The following FTO variants were observed in gnomAD, a reference collection of about 807,000 sequenced individuals.
The protein encoded by FTO is alpha-ketoglutarate-dependent dioxygenase FTO.
A neutral mutation model predicts 63.9 loss-of-function variants in FTO; 47 were observed. The ratio of observed to expected loss-of-function variants is 0.74; its 90% CI spans 0.58 to 0.94. The LOEUF is 0.94. Ranked by LOEUF, FTO falls within the 40% of genes least tolerant of loss-of-function variation. The probability of loss-of-function intolerance (pLI) is 0.00; values close to 1 mark genes in which losing one functional copy is unlikely to be tolerated. For missense variants in FTO, 562 were observed against 618.1 expected (o/e 0.91, Z 0.96); for synonymous variants, 207 against 224.4 (o/e 0.92, Z 0.69).
At chr16:54,066,153 C>T (rs899920669) in intron 8 of FTO, among the ~76,000 whole-genome samples, 7 of 152,162 alleles carry the variant, frequency 4.6e-5, no homozygotes, top group East Asian at 1.9e-4. Flanking sequence ...GTGTTGGGAC[C>T]GGGATTCCCC....
rs377073096 is a variant in FTO at position 53,879,917 on chromosome 16, A to G, written c.1049A>G (p.Asp350Gly). The G allele has an allele frequency of 3.1e-6, 5 of 1,613,860 alleles. No individual in the cohort carries two copies. The African/African-American group carries it at 4.0e-5, about 13-fold the overall frequency. ...CTGCAGAATGTCTGTGACGATGTGGACAATGATGATGTCTCTTTGAAATCC... is the reference window on the plus strand; with the variant it reads ...CTGCAGAATGTCTGTGACGATGTGGGCAATGATGATGTCTCTTTGAAATCC... ...LALQNVCDDV[D>G]NDDVSLKSFE... The change falls in exon 6 of 9, where the codon GAC becomes GGC. Residue 350 changes from aspartate (D) to glycine (G), a missense_variant. Transcript: ENST00000471389.
intron 1 of FTO, among the ~76,000 whole-genome samples, chr16:53,748,479 G>C (rs946204659): frequency 1.3e-5 from 2 of 151,972 alleles, no homozygotes; most frequent in Non-Finnish European, 2.9e-5. Flanking sequence ...TTTAGAGACA[G>C]AGTCTTTCTC....
At chr16:53,739,456 C>T (rs978884061) in intron 1 of FTO, among the ~76,000 whole-genome samples, 3 of 151,596 alleles carry the variant, frequency 2.0e-5, no homozygotes, top group African/African-American at 4.8e-5. Context: ...CCTTGTGATC[C>T]GCCCGCCTTG....
chr16:53,826,084 C>G lies in FTO; in HGVS notation c.344C>G (p.Thr115Arg). 6 of 1,614,138 alleles carry G rather than the reference C, an allele frequency of 3.7e-6. No individual in the cohort carries two copies. The highest frequency in any genetic ancestry group is 5.1e-6 in the Non-Finnish European group (6 of 1,180,026). ...AAGTACCTGAACACCAGGCTCTTTA[C>G]GGTCCCCTGGCCAGTGAAAGGGTCT... The part of the protein sequence containing the change: ...TYKYLNTRLF[T>R]VPWPVKGSNI... The change falls in exon 3 of 9, where the codon ACG (threonine) becomes AGG (arginine). Residue 115 changes from threonine to arginine, a missense_variant. By Grantham distance (71) the Thr-to-Arg change is moderately conservative. Coordinates refer to ENST00000471389, the MANE Select transcript of FTO (RefSeq NM_001080432.3).
chr16:53,945,185 C>A (rs544606712), intron 8 of FTO, among the ~76,000 whole-genome samples: 112 of 152,172 alleles, frequency 7.4e-4, no homozygotes, highest in Non-Finnish European at 1.4e-3. Flanking sequence ...ACGTGAGATC[C>A]CCGGGAGCAG....
chr16:53,904,051 T>G (rs544015814), intron 7 of FTO, among the ~76,000 whole-genome samples: 2 of 151,960 alleles, frequency 1.3e-5, no homozygotes, highest in East Asian at 3.9e-4. Flanking sequence ...GTTATCTATA[T>G]ACATGTGTAT....
intron 1 of FTO, among the ~76,000 whole-genome samples, chr16:53,731,579 A>G (rs1314717982): frequency 6.6e-6 from 1 of 151,940 alleles, no homozygotes; most frequent in East Asian, 1.9e-4. Flanking sequence ...TTTAATTTAA[A>G]TTTTTTGACA....
At position 53,888,964 on chromosome 16, in the gene FTO, G is replaced by A. The variant is rs751400920; in HGVS notation, c.1239+13G>A. 4 of 1,613,736 alleles carry A rather than the reference G, an allele frequency of 2.5e-6. No individual in the cohort carries two copies. The highest frequency in any genetic ancestry group is 3.4e-6 in the Non-Finnish European group (4 of 1,179,796). ...GATGGAGGGTGTGGTAAGTCCATCA[G>A]ACCTGGGACCGTGTTTTCTGGGCTG... On this transcript the variant is annotated intron_variant, in intron 7 of 8. Coordinates refer to ENST00000471389, the MANE Select transcript of FTO (RefSeq NM_001080432.3).
intron 1 of FTO, among the ~76,000 whole-genome samples, chr16:53,713,296 TTAGAG>T (rs2151470306): frequency 6.6e-6 from 1 of 152,300 alleles, no homozygotes; most frequent in South Asian, 2.1e-4. Context: ...CCTTTCAGAT[TTAGAG>T]TATTTTGTTG....
At chr16:54,062,663 G>A (rs543004098) in intron 8 of FTO, among the ~76,000 whole-genome samples, 4 of 152,300 alleles carry the variant, frequency 2.6e-5, no homozygotes, top group African/African-American at 9.6e-5. Flanking sequence ...TGAGTGAGGC[G>A]AGGTAGTGTC....
intron 7 of FTO, among the ~76,000 whole-genome samples, chr16:53,921,322 GA>G (rs1034803912): frequency 6.6e-6 from 1 of 152,176 alleles, no homozygotes; most frequent in African/African-American, 2.4e-5. Flanking sequence ...TTGTGCTGCT[GA>G]TGTTTAGGGG....
In FTO at chr16:53,736,403, C is replaced by T. The variant is rs145928038; in HGVS notation, c.45+32174C>T. On this transcript the variant is annotated intron_variant, in intron 1 of 8. Coordinates refer to ENST00000471389, the MANE Select transcript of FTO (RefSeq NM_001080432.3). ...CATCAATCTGTAGTTTCTGCCCTCA[C>T]CCAAGTCAATATCGAGTTCTCTCTG... Among the ~76,000 whole-genome samples, 61 of 151,870 alleles carry T rather than the reference C, an allele frequency of 4.0e-4. No individual in the cohort carries two copies. In the East Asian group the frequency reaches 9.7e-3, roughly 24 times the overall value.
intron 8 of FTO, among the ~76,000 whole-genome samples, chr16:54,010,336 T>G (rs1219438462): frequency 6.6e-6 from 1 of 151,900 alleles, no homozygotes; most frequent in Non-Finnish European, 1.5e-5. Context: ...AGCCCAGGAG[T>G]TGGAGACTGC....
chr16:53,853,478 C>T (rs2079876032), intron 4 of FTO, among the ~76,000 whole-genome samples: 1 of 151,938 alleles, frequency 6.6e-6, no homozygotes, highest in African/African-American at 2.4e-5. Flanking sequence ...CCCTCCCATC[C>T]TCCTCTCTTC....
Position 53,780,351 on chromosome 16 carries a change from T to C in FTO, c.46-29789T>C, listed in dbSNP as rs189448696. Among the ~76,000 whole-genome samples the C allele has an allele frequency of 8.5e-3, 1,289 of 152,264 alleles. 22 individuals are homozygous for C. The highest frequency in any genetic ancestry group is 0.016 in the Non-Finnish European group (1,093 of 68,018). On this transcript the variant is annotated intron_variant, in intron 1 of 8. Transcript: ENST00000471389. ...TGGGCCTGGCTTCTTGTGATTTGTG[T>C]CTTGCCTAAAATGACACCCACTCAA...
At chr16:53,950,798 T>C (rs950598639) in intron 8 of FTO, among the ~76,000 whole-genome samples, 1 of 152,226 alleles carries the variant, frequency 6.6e-6, no homozygotes, top group Admixed American at 6.5e-5. Flanking sequence ...AGGACCTCAG[T>C]GTCCTGACAT....
chr16:53,931,569 A>C (rs1478451067), intron 7 of FTO, among the ~76,000 whole-genome samples: 1 of 151,970 alleles, frequency 6.6e-6, no homozygotes, highest in Non-Finnish European at 1.5e-5. Context: ...TGGTGTCCTA[A>C]AGTGCTGGGA....
intron 8 of FTO, among the ~76,000 whole-genome samples, chr16:53,989,577 C>G (rs2143889374): frequency 6.6e-6 from 1 of 152,264 alleles, no homozygotes; most frequent in Admixed American, 6.5e-5. Context: ...TCCTGGGTGG[C>G]AATCTGTGCT....
chr16:53,840,093 A>G (rs1199776872), intron 3 of FTO, among the ~76,000 whole-genome samples: 1 of 151,950 alleles, frequency 6.6e-6, no homozygotes, highest in East Asian at 1.9e-4. Context: ...GTGAGCCACC[A>G]CACCTGGGCC....
Sources: gnomAD v4.1 joint callset for allele counts (sites outside exome capture counted in the v4.1 genomes callset) on GRCh38, gnomAD v4.1.1 for gene constraint, MANE v1.5 for transcripts, NCBI Gene and HGNC (gene_info 2026-07-23, HGNC 2026-07-21) for gene names.